The following RPL28 variants were observed in gnomAD, a reference collection of about 807,000 sequenced individuals.
RPL28 encodes the protein ribosomal protein L28, also known as large ribosomal subunit protein eL28.
RPL28 carries 4 observed loss-of-function variants against 12.5 expected under a neutral mutation model. The ratio of observed to expected loss-of-function variants is 0.32; its 90% confidence interval spans 0.16 to 0.73. The LOEUF is 0.73. Among genes scored for constraint, RPL28 ranks in the 30% least tolerant of loss-of-function variants. The pLI is 0.66. For synonymous variants in RPL28, 91 were observed against 72.5 expected (o/e 1.26, Z -1.30); for missense variants, 214 against 197.7 (o/e 1.08, Z -0.49).
chr19:55,399,784 T>C (rs1214272787), intron 4 of RPL28: 2 of 152,304 alleles, frequency 1.3e-5, no homozygotes, highest in Non-Finnish European at 2.9e-5. Context: ...TTCGCTAAAT[T>C]ATTTCAGTGG....
At chr19:55,398,161 A>G in intron 4 of RPL28, among the ~76,000 whole-genome samples, 1 of 152,154 alleles carries the variant, frequency 6.6e-6, no homozygotes, top group South Asian at 2.1e-4. Context: ...GTGCCATTGC[A>G]CCCCAGGCTG....
chr19:55,398,780 C>T (rs1225206338), intron 4 of RPL28, among the ~76,000 whole-genome samples: 1 of 151,588 alleles, frequency 6.6e-6, no homozygotes. Context: ...CGGCTCACTG[C>T]AGTCTCTGCC....
chr19:55,387,021 C>T (rs994736294), intron 3 of RPL28: 3 of 1,441,478 alleles, frequency 2.1e-6, no homozygotes, highest in African/African-American at 1.4e-5. Context: ...GGTTTCATCC[C>T]ACAGGTGGGA....
rs1241742547 is a variant in RPL28 at position 55,389,721 on chromosome 19, C to T, written c.*1389C>T. On this transcript the variant is annotated 3_prime_UTR_variant, in exon 5 of 5. Transcript: ENST00000344063. ...GCCAGCCCCTGTCTGCTGTGAATTACCATTTCCTTTGTCCTTCCCTTAGTT... is the reference window on the plus strand; with the variant it reads ...GCCAGCCCCTGTCTGCTGTGAATTATCATTTCCTTTGTCCTTCCCTTAGTT... 2 of 985,478 alleles carry T rather than the reference C, an allele frequency of 2.0e-6. No individual in the cohort carries two copies. Among genetic ancestry groups the T allele is most frequent in the African/African-American group, 3.5e-5 (2 of 57,238 alleles). The allele number at this position is 985,478 out of a possible 1,614,324, so 61.0% of individuals were successfully genotyped here.
chr19:55,390,767 G>C lies in RPL28; in HGVS notation c.*2435G>C, dbSNP rs564629494. ...CTGAATGCTATCGGTGGGTTGGGGTGGAGGAACCAGGAGAGGGCTGGAGGG... is the reference window on the plus strand; with the variant it reads ...CTGAATGCTATCGGTGGGTTGGGGTCGAGGAACCAGGAGAGGGCTGGAGGG... On this transcript the variant is annotated 3_prime_UTR_variant, in exon 5 of 5. Coordinates refer to ENST00000344063, the MANE Select transcript of RPL28 (RefSeq NM_000991.5). The C allele has an allele frequency of 1.0e-6, 1 of 985,462 alleles. No individual in the cohort carries two copies. The highest frequency in any genetic ancestry group is 4.7e-5 in the South Asian group (1 of 21,288). 61.0% of individuals were successfully genotyped at this position (985,462 alleles called of 1,614,324 possible). A position where few individuals can be genotyped will look rare whatever the true frequency, so the allele number is the denominator to read the frequency against.
chr19:55,391,324 T>C lies in RPL28; in HGVS notation c.*2992T>C. ...GCAGCTCGTTTAGTAGCACCGTGCCTCAGTTTCCCATATGTAAAAGGCCAT... is the reference window on the plus strand; with the variant it reads ...GCAGCTCGTTTAGTAGCACCGTGCCCCAGTTTCCCATATGTAAAAGGCCAT... On this transcript the variant is annotated 3_prime_UTR_variant, in exon 5 of 5. Coordinates refer to ENST00000344063, the MANE Select transcript of RPL28 (RefSeq NM_000991.5). 1 of 876,898 alleles carries C rather than the reference T, an allele frequency of 1.1e-6. No individual in the cohort carries two copies. The highest frequency in any genetic ancestry group is 1.5e-6 in the Non-Finnish European group (1 of 668,016). 54.3% of individuals were successfully genotyped at this position (876,898 alleles called of 1,614,324 possible).
At position 55,388,960 on chromosome 19, in the gene RPL28, C is replaced by A. The variant is rs895758656; in HGVS notation, c.*628C>A. 3 of 985,448 alleles carry A rather than the reference C, an allele frequency of 3.0e-6. No individual in the cohort carries two copies. Among genetic ancestry groups the A allele is most frequent in the Non-Finnish European group, 3.6e-6 (3 of 829,954 alleles). 61.0% of individuals were successfully genotyped at this position (985,448 alleles called of 1,614,324 possible). A position where few individuals can be genotyped will look rare whatever the true frequency, so the allele number is the denominator to read the frequency against. Reference sequence around the variant, plus strand: ...AGGCATTGAGCAGCCTTAGCATTGTCCCCCTACTCCCGTCCTCCAGGTGTC... The same window carrying A: ...AGGCATTGAGCAGCCTTAGCATTGTACCCCTACTCCCGTCCTCCAGGTGTC... On this transcript the variant is annotated 3_prime_UTR_variant, in exon 5 of 5. Coordinates refer to ENST00000344063, the MANE Select transcript of RPL28 (RefSeq NM_000991.5).
At chr19:55,401,781 G>A in intron 4 of RPL28, 1 of 1,612,624 alleles carries the variant, frequency 6.2e-7, no homozygotes, top group Non-Finnish European at 8.5e-7. Flanking sequence ...AGAGGCTCAG[G>A]GTCACAGTGG....
At chr19:55,386,096 T>C (rs1302659783) in intron 1 of RPL28, 131 bp downstream of exon 1, 2 of 481,310 alleles carry the variant, frequency 4.2e-6, no homozygotes, top group African/African-American at 2.0e-5. Context: ...CGTGAAGTCG[T>C]TGTGAATTTT....
chr19:55,403,132 C>A (rs1218959369), exon 5 of RPL28: 1 of 782,866 alleles, frequency 1.3e-6, no homozygotes, highest in South Asian at 1.4e-5. Flanking sequence ...CGAGTTGTGA[C>A]AACCCTTTCT....
chr19:55,389,234 C>T lies in RPL28; in HGVS notation c.*902C>T. 1.1e-6 allele frequency: 1 copy of T among 920,570 alleles called. No individual in the cohort carries two copies. The highest frequency in any genetic ancestry group is 1.3e-6 in the Non-Finnish European group (1 of 770,802). The allele number at this position is 920,570 out of a possible 1,614,324, so 57.0% of individuals were successfully genotyped here. ...TGTGGTGGTGCACCGCCTGTGGTCC[C>T]AGCTCCTCAGAGGTTGAGTAGAGGC... On this transcript the variant is annotated 3_prime_UTR_variant, in exon 5 of 5. Coordinates refer to ENST00000344063, the MANE Select transcript of RPL28 (RefSeq NM_000991.5).
Position 55,391,390 on chromosome 19 carries a change from AGT to A in RPL28, c.*3061_*3062del. On this transcript the variant is annotated 3_prime_UTR_variant, in exon 5 of 5. Coordinates refer to ENST00000344063, the MANE Select transcript of RPL28 (RefSeq NM_000991.5). ...CAGCCCTGCATAAGGCAGGTGTCTC[AGT>A]GTTCACTGCTGTCTCTCCAGCTCTT... The A allele has an allele frequency of 7.9e-7, 1 of 1,266,144 alleles. No individual in the cohort carries two copies. Among genetic ancestry groups the A allele is most frequent in the African/African-American group, 1.5e-5 (1 of 65,402 alleles). The allele number at this position is 1,266,144 out of a possible 1,614,324, so 78.4% of individuals were successfully genotyped here. A position where few individuals can be genotyped will look rare whatever the true frequency, so the allele number is the denominator to read the frequency against.
At chr19:55,386,959 G>A in intron 3 of RPL28, 2 of 1,453,014 alleles carry the variant, frequency 1.4e-6, no homozygotes, top group Non-Finnish European at 1.8e-6. Context: ...TTAAGGCACG[G>A]GGTTGATGTT....
rs184396986 is a variant in RPL28, at chr19:55,389,372, G to A, written c.*1040G>A. On this transcript the variant is annotated 3_prime_UTR_variant, in exon 5 of 5. Coordinates refer to ENST00000344063, the MANE Select transcript of RPL28 (RefSeq NM_000991.5). ...TGACACACAGTGAGGCCTGGATGGG[G>A]AAAGAGTCCTGCTGTTGATCCTCAC... 252 of 985,382 alleles carry A rather than the reference G, an allele frequency of 2.6e-4. 3 individuals are homozygous for A. The East Asian group carries it at 9.1e-3, about 35-fold the overall frequency. The allele number at this position is 985,382 out of a possible 1,614,324, so 61.0% of individuals were successfully genotyped here.
intron 4 of RPL28, among the ~76,000 whole-genome samples, chr19:55,397,345 A>C (rs2090030647): frequency 6.6e-6 from 1 of 152,224 alleles, no homozygotes; most frequent in Admixed American, 6.5e-5. Context: ...TCTTAAATAT[A>C]CAAGCATGTT....
At chr19:55,386,063 A>G (rs993686980) in intron 1 of RPL28, 98 bp downstream of exon 1, 47 of 403,854 alleles carry the variant, frequency 1.2e-4, no homozygotes, top group African/African-American at 1.0e-4. Flanking sequence ...CTCAAGGGTC[A>G]TTGGCGGACC....
At chr19:55,401,679 C>T (rs553328189) in intron 4 of RPL28, 9 of 1,612,704 alleles carry the variant, frequency 5.6e-6, no homozygotes, top group South Asian at 2.2e-5. Flanking sequence ...CCGCATACTC[C>T]TCGTAGTTCT....
At chr19:55,397,071 G>A (rs552770550), downstream of RPL28, among the ~76,000 whole-genome samples, 1 of 151,936 alleles carries the variant, frequency 6.6e-6, no homozygotes, top group South Asian at 2.1e-4. Context: ...GTACAGACAG[G>A]GTTTCGCCAT....
chr19:55,392,558 A>C (rs2089998158), downstream of RPL28, among the ~76,000 whole-genome samples: 1 of 139,880 alleles, frequency 7.1e-6, no homozygotes, highest in African/African-American at 2.8e-5. Context: ...TTTGAGGCGG[A>C]GTCACGCTTT....
Sources: allele counts gnomAD v4.1 joint callset (sites outside exome capture counted in the v4.1 genomes callset), GRCh38; gene constraint gnomAD v4.1.1; transcripts MANE v1.5; gene names NCBI Gene and HGNC (gene_info 2026-07-23, HGNC 2026-07-21).